The following SULT2B1 variants were observed in gnomAD, a reference collection of about 807,000 sequenced individuals.
SULT2B1 encodes sulfotransferase 2B1.
In SULT2B1, 16 loss-of-function variants were observed where a neutral mutation model predicts 33.2. That is an observed-to-expected ratio of 0.48 (90% confidence interval 0.33 to 0.73). The LOEUF (loss-of-function observed/expected upper bound fraction) is 0.73. Among genes scored for constraint, SULT2B1 ranks in the 30% least tolerant of loss-of-function variants. The pLI is 0.02. For synonymous variants in SULT2B1, 186 were observed against 200.5 expected (o/e 0.93, Z 0.61); for missense variants, 500 against 506.0 (o/e 0.99, Z 0.11).
rs373332265 is a variant in SULT2B1, at chr19:48,587,444, A to G, written c.423+7A>G. On this transcript the variant is annotated splice_region_variant and intron_variant, in intron 3 of 6. Transcript: ENST00000201586. ...CTTCAGCTCCAAGGCCAAGGTTGGG[A>G]GGAGGGGTGTGTGTCAGTTGGGAGG... 1 of 1,613,880 alleles carries G rather than the reference A, an allele frequency of 6.2e-7. No individual in the cohort carries two copies. The highest frequency in any genetic ancestry group is 1.3e-5 in the African/African-American group (1 of 74,912).
intron 2 of SULT2B1, among the ~76,000 whole-genome samples, chr19:48,584,830 C>G (rs1973541698): frequency 6.6e-6 from 1 of 152,142 alleles, no homozygotes; most frequent in Admixed American, 6.6e-5. Flanking sequence ...GCAGGTGGAT[C>G]ACCTGAGGTC....
intron 1 of SULT2B1, among the ~76,000 whole-genome samples, chr19:48,566,027 C>T (rs559468226): frequency 6.6e-6 from 1 of 152,006 alleles, no homozygotes; most frequent in East Asian, 1.9e-4. Flanking sequence ...ATTCTCCCAC[C>T]TCAGCCTCCC....
chr19:48,570,556 G>A (rs1298181075), intron 1 of SULT2B1, among the ~76,000 whole-genome samples: 1 of 152,136 alleles, frequency 6.6e-6, no homozygotes, highest in African/African-American at 2.4e-5. Context: ...AAGGACGTTT[G>A]AGCTGTTCCC....
At chr19:48,597,560 G>A (rs1403659323) in intron 6 of SULT2B1, among the ~76,000 whole-genome samples, 1 of 151,816 alleles carries the variant, frequency 6.6e-6, no homozygotes, top group African/African-American at 2.4e-5. Flanking sequence ...GGTCAGGATG[G>A]TCTCAATCTC....
intron 2 of SULT2B1, among the ~76,000 whole-genome samples, chr19:48,576,359 C>CTTTTCTTTTTTTTTTTTTTTTTTTTT: frequency 3.0e-4 from 29 of 96,712 alleles, no homozygotes; most frequent in African/African-American, 7.3e-4. Flanking sequence ...CTCTACTTCT[C>CTTTTCTTTTTTTTTTTTTTTTTTTTT]TTTTTTTTTT....
intron 3 of SULT2B1, among the ~76,000 whole-genome samples, chr19:48,589,578 C>G (rs1973616484): frequency 1.3e-5 from 2 of 152,204 alleles, no homozygotes; most frequent in Non-Finnish European, 1.5e-5. Flanking sequence ...AGACCACCCT[C>G]AGGCTCAACG....
chr19:48,592,896 C>A, intron 5 of SULT2B1, 80 bp downstream of exon 5: 1 of 1,244,120 alleles, frequency 8.0e-7, no homozygotes, highest in South Asian at 1.3e-5. Context: ...TCCCGAGGGT[C>A]TCAGGACCCC....
intron 3 of SULT2B1, among the ~76,000 whole-genome samples, chr19:48,589,333 G>C (rs1278691070): frequency 6.6e-6 from 1 of 152,128 alleles, no homozygotes; most frequent in African/African-American, 2.4e-5. Context: ...GGGAGCAGGC[G>C]GGGGAGGAAG....
chr19:48,581,944 G>C (rs148009402), intron 2 of SULT2B1, among the ~76,000 whole-genome samples: 1 of 149,628 alleles, frequency 6.7e-6, no homozygotes, highest in Non-Finnish European at 1.5e-5. Flanking sequence ...TCGCTCTGTC[G>C]CCCAGGCTGG....
Position 48,577,352 on chromosome 19 carries a change from C to CTTT in SULT2B1, c.214+1297_214+1299dup, listed in dbSNP as rs1209521675. ...TTACAGGTGTGAGCCACTGAGCCGTCTTTTTTTTTTTTTTTTTTTTTTTTT... is the reference window on the plus strand; with the variant it reads ...TTACAGGTGTGAGCCACTGAGCCGTCTTTTTTTTTTTTTTTTTTTTTTTTTTTT... On this transcript the variant is annotated intron_variant, in intron 2 of 6. Transcript: ENST00000201586. 8.0e-3 allele frequency among the ~76,000 whole-genome samples: 244 copies of CTTT among 30,638 alleles called. 86 individuals are homozygous for CTTT. Among genetic ancestry groups the CTTT allele is most frequent in the East Asian group, 0.017 (12 of 716 alleles). 20.1% of individuals were successfully genotyped at this position (30,638 alleles called of 152,430 possible).
intron 1 of SULT2B1, among the ~76,000 whole-genome samples, chr19:48,554,403 C>T (rs933048766): frequency 2.7e-5 from 4 of 149,898 alleles, no homozygotes; most frequent in African/African-American, 9.8e-5. Context: ...CCGACTTCCC[C>T]CTCTGCTCGC....
Position 48,552,965 on chromosome 19 carries a change from G to A in SULT2B1, c.71+642G>A, listed in dbSNP as rs1448899691. On this transcript the variant is annotated intron_variant, in intron 1 of 6. Coordinates refer to ENST00000201586, the MANE Select transcript of SULT2B1 (RefSeq NM_177973.2). This position sits in a 1 kb window ranked among gnomAD's most constrained non-coding sequence, Gnocchi z 4.8. The stretch of plus-strand genomic sequence containing the variant: ...CCAGATGGGGAAACTGAGGCTGGGA[G>A]GGAACGCGACATGACCGCAATTACG... Among the ~76,000 whole-genome samples, 1 of 152,140 alleles carries A rather than the reference G, an allele frequency of 6.6e-6. No homozygotes were observed. Among genetic ancestry groups the A allele is most frequent in the African/African-American group, 2.4e-5 (1 of 41,434 alleles).
intron 1 of SULT2B1, among the ~76,000 whole-genome samples, chr19:48,564,659 G>T (rs1360858689): frequency 2.6e-5 from 4 of 151,592 alleles, no homozygotes; most frequent in Non-Finnish European, 4.4e-5. Context: ...AAAATTTGGG[G>T]TTTTTTAAAT....
intron 3 of SULT2B1, among the ~76,000 whole-genome samples, chr19:48,589,543 G>C (rs1479209755): frequency 6.6e-6 from 1 of 152,178 alleles, no homozygotes; most frequent in Non-Finnish European, 1.5e-5. Context: ...AGCAGAGAGG[G>C]GGGGCTGCAA....
At chr19:48,590,012 T>C (rs967024558) in intron 3 of SULT2B1, among the ~76,000 whole-genome samples, 1 of 151,988 alleles carries the variant, frequency 6.6e-6, no homozygotes, top group African/African-American at 2.4e-5. Context: ...AGAGTTTCCC[T>C]CTTGTTGCCC....
chr19:48,566,928 G>A (rs1297923909), intron 1 of SULT2B1, among the ~76,000 whole-genome samples: 8 of 152,062 alleles, frequency 5.3e-5, no homozygotes, highest in Admixed American at 2.0e-4. Flanking sequence ...ACTTGAACCT[G>A]GGAGGTGCTA....
Position 48,552,207 on chromosome 19 carries a change from GCCTGCTC to G in SULT2B1, c.-38_-32del. On this transcript the variant is annotated 5_prime_UTR_variant, in exon 1 of 7. Coordinates refer to ENST00000201586, the MANE Select transcript of SULT2B1 (RefSeq NM_177973.2). The surrounding 1 kb of genome is among the most constrained non-coding windows in gnomAD (Gnocchi z 4.8). Reference sequence around the variant, plus strand: ...GCTGCGCACACCTGGCCTCTGTGCCGCCTGCTCCCTGCTCGTCCTCCCCTCCCCACCC... The same window carrying G: ...GCTGCGCACACCTGGCCTCTGTGCCGCCTGCTCGTCCTCCCCTCCCCACCC... 6.3e-7 allele frequency: 1 copy of G among 1,593,564 alleles called. No homozygotes were observed. Among genetic ancestry groups the G allele is most frequent in the Non-Finnish European group, 8.6e-7 (1 of 1,164,502 alleles).
At chr19:48,597,769 A>G (rs987394845) in intron 6 of SULT2B1, among the ~76,000 whole-genome samples, 12 of 148,820 alleles carry the variant, frequency 8.1e-5, no homozygotes, top group Admixed American at 4.7e-4. Context: ...TCAGCCTCCC[A>G]AGTAGCTGTG....
intron 1 of SULT2B1, among the ~76,000 whole-genome samples, chr19:48,570,716 C>CTATTT: frequency 1.5e-5 from 1 of 67,442 alleles, no homozygotes; most frequent in Non-Finnish European, 3.2e-5. Flanking sequence ...TTTTTGTTTT[C>CTATTT]CGTTTTTGTT....
Sources: gnomAD v4.1 joint callset for allele counts (sites outside exome capture counted in the v4.1 genomes callset) on GRCh38, gnomAD v4.1.1 for gene constraint, Gnocchi (gnomAD v3.1) non-coding constraint, MANE v1.5 for transcripts, NCBI Gene and HGNC (gene_info 2026-07-23, HGNC 2026-07-21) for gene names.